Variants in CAMSAP1 observed in about 807,000 individuals in gnomAD.
CAMSAP1 encodes calmodulin regulated spectrin associated protein 1, also known as calmodulin-regulated spectrin-associated protein 1.
Under a neutral mutation model 143.5 loss-of-function variants are expected in CAMSAP1, and 58 were observed. The observed-to-expected ratio is 0.40, with a 90% CI of 0.33 to 0.50. The LOEUF is 0.50. Ranked by LOEUF, CAMSAP1 falls within the 20% of genes least tolerant of loss-of-function variation. The probability of loss-of-function intolerance (pLI) is 0.45; values close to 1 mark genes in which losing one functional copy is unlikely to be tolerated. For synonymous variants in CAMSAP1, 945 were observed against 859.3 expected (o/e 1.10, Z -1.74); for missense variants, 1,969 against 2,115.7 (o/e 0.93, Z 1.36).
At position 135,823,110 on chromosome 9, in the gene CAMSAP1, T is replaced by C. The variant is rs769681999; in HGVS notation, c.1551A>G (p.Pro517=). 6.2e-7 allele frequency: 1 copy of C among 1,613,962 alleles called. No homozygotes were observed. Among genetic ancestry groups the C allele is most frequent in the East Asian group, 2.2e-5 (1 of 44,876 alleles). The change falls in exon 11 of 17, where the codon CCA becomes CCG. Residue 517 remains proline (P), a synonymous_variant. Coordinates refer to ENST00000389532, the MANE Select transcript of CAMSAP1 (RefSeq NM_015447.4). ...CGTGGCTCTTCGTGGCCGTGGGGTG[T>C]GGCTGGTTCTGTGGGGTCAGATTAA... ...NIVNLTPQNQ[P]HPTATKSHGK...
chr9:135,852,956 G>A lies in CAMSAP1; in HGVS notation c.809-2495C>T, dbSNP rs115768997. On this transcript the variant is annotated intron_variant, in intron 5 of 16. Transcript: ENST00000389532. ...ATGGAAAGATGCACTGAGGCTGGAA[G>A]CCATCCACACGTGGAGAGACCAGCA... Among the ~76,000 whole-genome samples the A allele has an allele frequency of 8.4e-3, 1,287 of 152,310 alleles. 26 individuals carry two copies. Among genetic ancestry groups the A allele is most frequent in the African/African-American group, 0.029 (1,226 of 41,566 alleles).
Position 135,882,294 on chromosome 9 carries a change from C to G in CAMSAP1, c.424-500G>C, listed in dbSNP as rs1465065951. Among the ~76,000 whole-genome samples, 1 of 152,092 alleles carries G rather than the reference C, an allele frequency of 6.6e-6. No individual in the cohort carries two copies. The highest frequency in any genetic ancestry group is 1.5e-5 in the Non-Finnish European group (1 of 68,020). On this transcript the variant is annotated intron_variant, in intron 2 of 16. Transcript: ENST00000389532. The surrounding 1 kb of genome is among the most constrained non-coding windows in gnomAD (Gnocchi z 4.9). ...CTCTCTTCAACCACCGCACGGCACC[C>G]GCAGTCTCACCGGGAACGCCATGGG...
chr9:135,833,538 G>A (rs1234316708), intron 7 of CAMSAP1, among the ~76,000 whole-genome samples: 1 of 152,122 alleles, frequency 6.6e-6, no homozygotes, highest in Non-Finnish European at 1.5e-5. Flanking sequence ...CTTTGACAAA[G>A]GTGCCAAAAA....
intron 3 of CAMSAP1, among the ~76,000 whole-genome samples, chr9:135,873,095 C>T (rs1037579584): frequency 2.0e-5 from 3 of 152,124 alleles, no homozygotes; most frequent in African/African-American, 7.2e-5. Context: ...CCCTAAGTCC[C>T]AATAAACTTA....
chr9:135,900,409 G>C (rs960548079), intron 1 of CAMSAP1, among the ~76,000 whole-genome samples: 65 of 152,172 alleles, frequency 4.3e-4, no homozygotes, highest in African/African-American at 1.5e-3. Context: ...CTAAGAAAAA[G>C]AGGGCCGGGC....
chr9:135,867,414 G>A (rs947445400), intron 3 of CAMSAP1, among the ~76,000 whole-genome samples: 4 of 151,650 alleles, frequency 2.6e-5, no homozygotes, highest in Middle Eastern at 3.4e-3. Context: ...GAAGGCTGAG[G>A]CACGAAGATC....
intron 3 of CAMSAP1, among the ~76,000 whole-genome samples, chr9:135,877,398 C>A (rs1837789041): frequency 6.6e-6 from 1 of 151,272 alleles, no homozygotes; most frequent in Non-Finnish European, 1.5e-5. Flanking sequence ...GGAAACATTA[C>A]CTTGATTGTG....
At chr9:135,853,476 G>A (rs1836848963) in intron 5 of CAMSAP1, among the ~76,000 whole-genome samples, 2 of 152,216 alleles carry the variant, frequency 1.3e-5, no homozygotes, top group African/African-American at 2.4e-5. Context: ...TAATATCTGT[G>A]AAGACAAAAG....
intron 14 of CAMSAP1, 183 bp downstream of exon 14, chr9:135,817,794 T>C: frequency 3.4e-6 from 2 of 590,802 alleles, no homozygotes; most frequent in South Asian, 2.0e-5. Flanking sequence ...TTTAACCAGC[T>C]GGGGAGCCCG....
At chr9:135,905,353 T>C (rs1362804116) in intron 1 of CAMSAP1, among the ~76,000 whole-genome samples, 3 of 152,158 alleles carry the variant, frequency 2.0e-5, no homozygotes, top group Admixed American at 1.3e-4. Flanking sequence ...GCTAAAGAAA[T>C]TGGAAAGCAG....
In CAMSAP1 at chr9:135,822,299, C is replaced by T. The variant is rs767132170; in HGVS notation, c.2362G>A (p.Ala788Thr). ...KVKEHEDKDD[A>T]SGRSSPCLST... Reference sequence around the variant, plus strand: ...AGGCAGGGGCTCGAGCGGCCGCTGGCGTCATCTTTGTCTTCATGTTCCTTC... The same window carrying T: ...AGGCAGGGGCTCGAGCGGCCGCTGGTGTCATCTTTGTCTTCATGTTCCTTC... The change falls in exon 11 of 17, where the codon GCC becomes ACC. Residue 788 changes from alanine (A) to threonine (T), a missense_variant. Physicochemically the swap from Ala to Thr is moderately conservative, Grantham distance 58. Around this residue, in one of 4 missense-constraint regions of CAMSAP1, gnomAD observed 1,390 missense variants for 1,420.8 expected, o/e 0.98. Coordinates refer to ENST00000389532, the MANE Select transcript of CAMSAP1 (RefSeq NM_015447.4). This position sits in a 1 kb window ranked among gnomAD's most constrained non-coding sequence, Gnocchi z 6.1. 10 of 1,613,996 alleles carry T rather than the reference C, an allele frequency of 6.2e-6. No homozygotes were observed. Among genetic ancestry groups the T allele is most frequent in the Middle Eastern group, 1.6e-4 (1 of 6,062 alleles).
In CAMSAP1 at chr9:135,818,100, C is replaced by G; in HGVS notation, c.4169-21G>C. The G allele has an allele frequency of 6.2e-7, 1 of 1,610,926 alleles. No homozygotes were observed. Among genetic ancestry groups the G allele is most frequent in the Non-Finnish European group, 8.5e-7 (1 of 1,177,672 alleles). Reference sequence around the variant, plus strand: ...ATCAGCTGCCAGAGACAGAAACAGACGACGGTTCATGAACGGATTCCGACA... The same window carrying G: ...ATCAGCTGCCAGAGACAGAAACAGAGGACGGTTCATGAACGGATTCCGACA... On this transcript the variant is annotated intron_variant, in intron 13 of 16. Coordinates refer to ENST00000389532, the MANE Select transcript of CAMSAP1 (RefSeq NM_015447.4). The surrounding 1 kb of genome is among the most constrained non-coding windows in gnomAD (Gnocchi z 7.7).
intron 7 of CAMSAP1, among the ~76,000 whole-genome samples, chr9:135,831,567 A>G (rs1339451316): frequency 1.3e-5 from 2 of 152,168 alleles, no homozygotes; most frequent in Non-Finnish European, 2.9e-5. Flanking sequence ...TTCACACCTC[A>G]AAGACTAGGA....
chr9:135,851,911 C>T (rs960268600), intron 5 of CAMSAP1, among the ~76,000 whole-genome samples: 3 of 152,206 alleles, frequency 2.0e-5, no homozygotes, highest in East Asian at 1.9e-4. Context: ...CGCTGGGCCA[C>T]GAGCTAGGCA....
At chr9:135,812,794 C>A (rs1250340076) in intron 16 of CAMSAP1, among the ~76,000 whole-genome samples, 1 of 152,116 alleles carries the variant, frequency 6.6e-6, no homozygotes, top group African/African-American at 2.4e-5. Flanking sequence ...TATGGTGAAA[C>A]CCCATCTCTA....
chr9:135,897,902 C>A (rs1365605552), intron 1 of CAMSAP1, among the ~76,000 whole-genome samples: 1 of 152,004 alleles, frequency 6.6e-6, no homozygotes, highest in Non-Finnish European at 1.5e-5. Context: ...GTTATAGCAG[C>A]CCAAATGAAC....
At chr9:135,899,251 C>T (rs1463257120) in intron 1 of CAMSAP1, among the ~76,000 whole-genome samples, 2 of 152,024 alleles carry the variant, frequency 1.3e-5, no homozygotes, top group Non-Finnish European at 2.9e-5. Flanking sequence ...AACATGTGTG[C>T]TTTACCAGAT....
At chr9:135,848,724 A>C (rs73559429) in intron 7 of CAMSAP1, among the ~76,000 whole-genome samples, 5,685 of 152,134 alleles carry the variant, frequency 0.037, 332 homozygotes, top group African/African-American at 0.13. Context: ...ACACTGCACC[A>C]CTCTGACTGC....
At chr9:135,875,019 TA>T (rs1056994896) in intron 3 of CAMSAP1, among the ~76,000 whole-genome samples, 1 of 152,182 alleles carries the variant, frequency 6.6e-6, no homozygotes, top group African/African-American at 2.4e-5. Context: ...CTGTTAGGTC[TA>T]CACAGAACGG....
Sources: gnomAD v4.1 joint callset for allele counts (sites outside exome capture counted in the v4.1 genomes callset) on GRCh38, gnomAD v4.1.1 for gene constraint, gnomAD v4.1.1 regional missense constraint, Gnocchi (gnomAD v3.1) non-coding constraint, MANE v1.5 for transcripts, NCBI Gene and HGNC (gene_info 2026-07-23, HGNC 2026-07-21) for gene names.